The following FAT3 variants were observed in gnomAD, a reference collection of about 807,000 sequenced individuals.
FAT3 encodes FAT atypical cadherin 3, also known as protocadherin Fat 3.
Under a neutral mutation model 310.2 loss-of-function variants are expected in FAT3, and 95 were observed. The ratio of observed to expected loss-of-function variants is 0.31; its 90% CI spans 0.26 to 0.36. The LOEUF is 0.36. FAT3 is among the 10% of genes least tolerant of loss of function. The pLI, the probability that FAT3 is intolerant of heterozygous loss-of-function variation, is 1.00. For missense variants in FAT3, 5,408 were observed against 5,715.6 expected, an observed-to-expected ratio of 0.95 and a Z score of 1.74; for synonymous variants, 2,314 against 2,192.9, an observed-to-expected ratio of 1.06 and a Z score of -1.54.
intron 3 of FAT3, among the ~76,000 whole-genome samples, chr11:92,549,939 G>C (rs560306530): frequency 6.6e-6 from 1 of 152,076 alleles, no homozygotes. Flanking sequence ...ATTATGATTA[G>C]CTGCATTTTA....
intron 2 of FAT3, among the ~76,000 whole-genome samples, chr11:92,379,555 T>G (rs1385300409): frequency 6.6e-6 from 1 of 152,168 alleles, no homozygotes; most frequent in African/African-American, 2.4e-5. Context: ...GGATTGTAGA[T>G]GAGAAGACAA....
intron 2 of FAT3, chr11:92,366,771 TG>T: frequency 1.9e-6 from 1 of 532,028 alleles, no homozygotes; most frequent in Non-Finnish European, 3.8e-6. Context: ...AGAGCTCTGG[TG>T]GTAGTGTCCT....
intron 10 of FAT3, among the ~76,000 whole-genome samples, chr11:92,804,545 A>G (rs955334377): frequency 2.0e-5 from 3 of 152,072 alleles, no homozygotes; most frequent in African/African-American, 7.2e-5. Flanking sequence ...TCACTCTGAT[A>G]CATTTGGTCT....
intron 13 of FAT3, among the ~76,000 whole-genome samples, chr11:92,829,114 T>C (rs1235516606): frequency 6.6e-6 from 1 of 152,138 alleles, no homozygotes; most frequent in Non-Finnish European, 1.5e-5. Context: ...TTTCCAAGCA[T>C]AGATCTCCTG....
At chr11:92,420,636 C>G (rs1225554501) in intron 2 of FAT3, among the ~76,000 whole-genome samples, 1 of 152,052 alleles carries the variant, frequency 6.6e-6, no homozygotes, top group East Asian at 1.9e-4. Context: ...TAAATCTTTA[C>G]TAATAATTTA....
chr11:92,698,433 T>C (rs1409722757), intron 4 of FAT3, among the ~76,000 whole-genome samples: 3 of 152,200 alleles, frequency 2.0e-5, no homozygotes, highest in East Asian at 3.9e-4. Flanking sequence ...GTGAATAGCT[T>C]GAAGCTATTT....
At chr11:92,653,213 T>TGTGTGCTCGCATGC (rs1942450335) in intron 3 of FAT3, among the ~76,000 whole-genome samples, 1 of 125,820 alleles carries the variant, frequency 7.9e-6, no homozygotes, top group Non-Finnish European at 1.7e-5. Flanking sequence ...AGTGTATGTG[T>TGTGTGCTCGCATGC]GTGTGCTCGC....
intron 7 of FAT3, among the ~76,000 whole-genome samples, chr11:92,780,660 G>A (rs934574299): frequency 2.0e-5 from 3 of 152,090 alleles, no homozygotes; most frequent in East Asian, 3.9e-4. Flanking sequence ...TTTGATATCT[G>A]TTCTAATGCA....
intron 2 of FAT3, among the ~76,000 whole-genome samples, chr11:92,510,186 A>T (rs1953244893): frequency 6.6e-6 from 1 of 152,188 alleles, no homozygotes; most frequent in Admixed American, 6.5e-5. Context: ...AAGAAATAGA[A>T]TCCAGTGACC....
At chr11:92,545,888 T>C (rs760190708) in intron 3 of FAT3, among the ~76,000 whole-genome samples, 1 of 152,198 alleles carries the variant, frequency 6.6e-6, no homozygotes, top group Non-Finnish European at 1.5e-5. Context: ...AAATAACCTT[T>C]CCATCTTGAG....
intron 22 of FAT3, among the ~76,000 whole-genome samples, chr11:92,870,254 C>A (rs1265541246): frequency 6.6e-6 from 1 of 152,122 alleles, no homozygotes; most frequent in Non-Finnish European, 1.5e-5. Context: ...TCTCTAAGCC[C>A]AATCAAACCC....
At chr11:92,370,947 TAC>T (rs1454069187) in intron 2 of FAT3, among the ~76,000 whole-genome samples, 2 of 152,230 alleles carry the variant, frequency 1.3e-5, no homozygotes, top group African/African-American at 2.4e-5. Context: ...GGGAGCTTTC[TAC>T]AGAGTTTGCA....
chr11:92,593,094 A>G (rs1300761973), intron 3 of FAT3, among the ~76,000 whole-genome samples: 2 of 152,180 alleles, frequency 1.3e-5, no homozygotes, highest in Non-Finnish European at 2.9e-5. Flanking sequence ...TTCTGTTAGC[A>G]TAATGTCCTC....
rs1274036038 is a variant in FAT3 at position 92,789,929 on chromosome 11, T to G, written c.4336-14T>G. 2 of 1,610,930 alleles carry G rather than the reference T, an allele frequency of 1.2e-6. No individual in the cohort carries two copies. The highest frequency in any genetic ancestry group is 2.7e-5 in the African/African-American group (2 of 74,824). ...TTGGCATTAGTCATCATTCTTTTCT[T>G]CTTTTAACTACAGGTATTTATCAAA... On this transcript the variant is annotated splice_polypyrimidine_tract_variant and intron_variant, in intron 7 of 27. Transcript: ENST00000525166.
At chr11:92,740,806 A>G (rs1945487037) in intron 4 of FAT3, among the ~76,000 whole-genome samples, 1 of 152,208 alleles carries the variant, frequency 6.6e-6, no homozygotes, top group Admixed American at 6.5e-5. Context: ...ACTCTTTACT[A>G]CAGTAGTAAC....
chr11:92,491,881 A>T (rs1952609545), intron 2 of FAT3, among the ~76,000 whole-genome samples: 1 of 151,976 alleles, frequency 6.6e-6, no homozygotes, highest in South Asian at 2.1e-4. Flanking sequence ...TTCAGTGGGC[A>T]CCTATAAGGA....
chr11:92,886,901 T>C, intron 24 of FAT3, 99 bp from the exon 25 acceptor site: 1 of 891,144 alleles, frequency 1.1e-6, no homozygotes, highest in Middle Eastern at 2.6e-4. Context: ...CAAATGAAAG[T>C]GCCTCGAGAA....
chr11:92,401,606 G>A (rs549930523), intron 2 of FAT3, among the ~76,000 whole-genome samples: 1 of 152,110 alleles, frequency 6.6e-6, no homozygotes, highest in South Asian at 2.1e-4. Context: ...TTGAAACACA[G>A]CCTCACTGAA....
At chr11:92,242,617 G>A (rs1864713371) in intron 1 of FAT3, among the ~76,000 whole-genome samples, 1 of 151,962 alleles carries the variant, frequency 6.6e-6, no homozygotes. Flanking sequence ...ATCTGTGGAT[G>A]AAATGAGACC....
Sources: allele counts gnomAD v4.1 joint callset (sites outside exome capture counted in the v4.1 genomes callset), GRCh38; gene constraint gnomAD v4.1.1; transcripts MANE v1.5; gene names NCBI Gene and HGNC (gene_info 2026-07-23, HGNC 2026-07-21).